Variants in GNAQ observed in about 807,000 individuals in gnomAD.
GNAQ encodes G protein subunit alpha q.
In GNAQ, 8 loss-of-function variants were observed where a neutral mutation model predicts 43.9. That is an observed-to-expected ratio of 0.18 (90% CI 0.11 to 0.33). The LOEUF (loss-of-function observed/expected upper bound fraction) is 0.33. GNAQ is among the 10% of genes least tolerant of loss of function. The pLI is 1.00. For missense variants in GNAQ, 158 were observed against 450.8 expected (o/e 0.35, Z 5.88); for synonymous variants, 155 against 170.7 (o/e 0.91, Z 0.71).
intron 1 of GNAQ, among the ~76,000 whole-genome samples, chr9:78,025,464 T>A (rs1016025257): frequency 6.6e-6 from 1 of 152,224 alleles, no homozygotes; most frequent in Non-Finnish European, 1.5e-5. Context: ...TTACCTTCTA[T>A]TGCTATTTCA....
chr9:77,788,068 AC>A (rs1339503146), intron 5 of GNAQ, among the ~76,000 whole-genome samples: 1 of 151,986 alleles, frequency 6.6e-6, no homozygotes, highest in Non-Finnish European at 1.5e-5. Context: ...CACACCCAAA[AC>A]CCTTCTGCAA....
rs929515721 is a variant in GNAQ at position 77,720,903 on chromosome 9, G to C, written c.*420C>G. ...GACCAAGAATGGAACTAGGATAAAG[G>C]CCATTGTAACCTGGGAAAAACATCA... On this transcript the variant is annotated 3_prime_UTR_variant, in exon 7 of 7. Transcript: ENST00000286548. 2.9e-5 allele frequency: 7 copies of C among 239,532 alleles called. No individual in the cohort carries two copies. Among genetic ancestry groups the C allele is most frequent in the Non-Finnish European group, 5.7e-5 (7 of 122,216 alleles). 14.8% of individuals were successfully genotyped at this position (239,532 alleles called of 1,614,324 possible). A position where few individuals can be genotyped will look rare whatever the true frequency, so the allele number is the denominator to read the frequency against.
rs141635899 is a variant in GNAQ, at chr9:78,030,148, C to T, written c.136+952G>A. 7.0e-3 allele frequency among the ~76,000 whole-genome samples: 1,063 copies of T among 152,206 alleles called. 17 individuals carry two copies. Among genetic ancestry groups the T allele is most frequent in the African/African-American group, 0.024 (988 of 41,520 alleles). ...CCCAGATTCCAAAGACATTAAAATG[C>T]TATCTGTTTTAAACAAAAGGTTTCT... is the stretch of plus-strand genomic sequence containing the variant. On this transcript the variant is annotated intron_variant, in intron 1 of 6. Coordinates refer to ENST00000286548, the MANE Select transcript of GNAQ (RefSeq NM_002072.5).
chr9:77,768,438 C>T (rs928606382), intron 5 of GNAQ, among the ~76,000 whole-genome samples: 1 of 152,184 alleles, frequency 6.6e-6, no homozygotes, highest in African/African-American at 2.4e-5. Context: ...AACTCAGAGA[C>T]AGGAATGTCT....
rs1239686985 is a variant in GNAQ at position 77,883,707 on chromosome 9, T to C, written c.321+38454A>G. On this transcript the variant is annotated intron_variant, in intron 2 of 6. Coordinates refer to ENST00000286548, the MANE Select transcript of GNAQ (RefSeq NM_002072.5). ...TATAAGGCTTGGGTTTTAATATACC[T>C]GCTTCTGCACTGAGTCTGTGGACCA... Among the ~76,000 whole-genome samples, 4 of 151,854 alleles carry C rather than the reference T, an allele frequency of 2.6e-5. No homozygotes were observed. The East Asian group carries it at 7.7e-4, about 29-fold the overall frequency.
At chr9:77,734,363 G>C (rs1481083538) in intron 5 of GNAQ, among the ~76,000 whole-genome samples, 1 of 152,086 alleles carries the variant, frequency 6.6e-6, no homozygotes, top group Non-Finnish European at 1.5e-5. Flanking sequence ...CTCCCGGGTG[G>C]TATTTTTTTC....
At chr9:77,902,464 G>A (rs1253208346) in intron 2 of GNAQ, among the ~76,000 whole-genome samples, 1 of 152,152 alleles carries the variant, frequency 6.6e-6, no homozygotes, top group Non-Finnish European at 1.5e-5. Flanking sequence ...TTACAAAGTT[G>A]AGAGGAATGT....
At chr9:77,885,808 A>G (rs916139543) in intron 2 of GNAQ, among the ~76,000 whole-genome samples, 1 of 152,182 alleles carries the variant, frequency 6.6e-6, no homozygotes, top group African/African-American at 2.4e-5. Flanking sequence ...ACCAAAAAAA[A>G]AAAAAGTGTT....
intron 2 of GNAQ, among the ~76,000 whole-genome samples, chr9:77,816,527 C>A (rs1232405879): frequency 6.6e-6 from 1 of 152,048 alleles, no homozygotes; most frequent in Non-Finnish European, 1.5e-5. Context: ...TTATGGTCAA[C>A]CCTCAAATTA....
intron 1 of GNAQ, among the ~76,000 whole-genome samples, chr9:78,025,035 A>C (rs1823959570): frequency 6.6e-6 from 1 of 152,220 alleles, no homozygotes; most frequent in South Asian, 2.1e-4. Context: ...CTGTATAGTT[A>C]ATCCAATTTG....
chr9:77,786,106 G>T (rs943550871), intron 5 of GNAQ, among the ~76,000 whole-genome samples: 3 of 152,078 alleles, frequency 2.0e-5, no homozygotes, highest in Non-Finnish European at 2.9e-5. Context: ...AGCCAGGCGC[G>T]GTGGCTCACG....
At chr9:77,992,818 G>A (rs997322504) in intron 1 of GNAQ, among the ~76,000 whole-genome samples, 5 of 151,936 alleles carry the variant, frequency 3.3e-5, no homozygotes, top group South Asian at 2.1e-4. Flanking sequence ...GGTGGTACAC[G>A]CCTGTAATCC....
chr9:77,999,242 T>A (rs1020706126), intron 1 of GNAQ, among the ~76,000 whole-genome samples: 18 of 152,180 alleles, frequency 1.2e-4, no homozygotes, highest in African/African-American at 3.4e-4. Flanking sequence ...AAAATAACTT[T>A]GGCTTACATG....
At chr9:78,022,657 T>C (rs566630879) in intron 1 of GNAQ, among the ~76,000 whole-genome samples, 1 of 152,332 alleles carries the variant, frequency 6.6e-6, no homozygotes, top group Admixed American at 6.5e-5. Context: ...GGCAATCTTT[T>C]AAAGGCAAAC....
At chr9:77,868,116 A>T (rs577164323) in intron 2 of GNAQ, among the ~76,000 whole-genome samples, 1 of 152,242 alleles carries the variant, frequency 6.6e-6, no homozygotes, top group Non-Finnish European at 1.5e-5. Context: ...TTTAGACTTT[A>T]TAAGTACATG....
chr9:78,002,692 G>GA (rs1823658589), intron 1 of GNAQ, among the ~76,000 whole-genome samples: 1 of 152,066 alleles, frequency 6.6e-6, no homozygotes, highest in African/African-American at 2.4e-5. Flanking sequence ...TTTCAACTAG[G>GA]AATCTGAACC....
chr9:77,915,725 G>A (rs867495162), intron 2 of GNAQ, among the ~76,000 whole-genome samples: 8 of 152,056 alleles, frequency 5.3e-5, no homozygotes, highest in Admixed American at 1.3e-4. Context: ...TAGCTACTTC[G>A]TATATAACTA....
intron 5 of GNAQ, among the ~76,000 whole-genome samples, chr9:77,734,347 C>T (rs1422906476): frequency 6.6e-6 from 1 of 152,174 alleles, no homozygotes; most frequent in African/African-American, 2.4e-5. Flanking sequence ...AGTTATCCAC[C>T]TGTCTCTCCC....
intron 1 of GNAQ, among the ~76,000 whole-genome samples, chr9:78,009,211 C>T (rs1383632518): frequency 1.3e-5 from 2 of 152,156 alleles, no homozygotes; most frequent in Admixed American, 6.5e-5. Context: ...ACAATAATGG[C>T]TATTATCAAC....
Sources: allele counts gnomAD v4.1 joint callset (sites outside exome capture counted in the v4.1 genomes callset), GRCh38; gene constraint gnomAD v4.1.1; transcripts MANE v1.5; gene names NCBI Gene and HGNC (gene_info 2026-07-23, HGNC 2026-07-21).